Variants in ATAD2 observed in about 807,000 individuals in gnomAD.
The protein encoded by ATAD2 is ATPase family AAA domain containing 2.
In ATAD2, 62 loss-of-function variants were observed where a neutral mutation model predicts 168.9. The observed-to-expected ratio is 0.37, with a 90% CI of 0.30 to 0.45. ATAD2 has a LOEUF of 0.45. Among genes scored for constraint, ATAD2 ranks in the 20% least tolerant of loss-of-function variants. The pLI is 1.00. For synonymous variants in ATAD2, 613 were observed against 571.6 expected (o/e 1.07, Z -1.03); for missense variants, 1,419 against 1,667.8 (o/e 0.85, Z 2.60).
chr8:123,326,713 T>C (rs1412397087), intron 25 of ATAD2, among the ~76,000 whole-genome samples: 4 of 152,122 alleles, frequency 2.6e-5, no homozygotes, highest in Non-Finnish European at 5.9e-5. Context: ...ATCCATTTTA[T>C]CTACTGTCAA....
intron 2 of ATAD2, among the ~76,000 whole-genome samples, chr8:123,378,957 A>G (rs2129831072): frequency 6.6e-6 from 1 of 151,804 alleles, no homozygotes; most frequent in Admixed American, 6.6e-5. Flanking sequence ...ATGCCCAGAT[A>G]ATTTTTTTAT....
chr8:123,322,883 ATATAT>A (rs1374616285), intron 27 of ATAD2, 50 bp downstream of exon 27: 2 of 1,537,536 alleles, frequency 1.3e-6, no homozygotes, highest in Non-Finnish European at 1.8e-6. Context: ...TACATAAGTG[ATATAT>A]TAATGTGACC....
intron 24 of ATAD2, 60 bp downstream of exon 24, chr8:123,333,818 A>G: frequency 6.7e-7 from 1 of 1,484,182 alleles, no homozygotes; most frequent in Non-Finnish European, 9.0e-7. Context: ...GGAGAAAGTT[A>G]ATGGCATTAG....
chr8:123,325,886 T>C lies in ATAD2; in HGVS notation c.4002+7A>G. 1 of 1,613,532 alleles carries C rather than the reference T, an allele frequency of 6.2e-7. No homozygotes were observed. Among genetic ancestry groups the C allele is most frequent in the South Asian group, 1.1e-5 (1 of 90,944 alleles). On this transcript the variant is annotated splice_region_variant and intron_variant, in intron 26 of 27. Coordinates refer to ENST00000287394, the MANE Select transcript of ATAD2 (RefSeq NM_014109.4). ...GAGTAAAAGCATTATGATTTCAATT[T>C]ACATACTTTTAATCGCTCATGATCC...
At chr8:123,344,657 T>C (rs528496208) in intron 19 of ATAD2, 4 of 478,110 alleles carry the variant, frequency 8.4e-6, no homozygotes, top group African/African-American at 5.9e-5. Context: ...TATAATACCA[T>C]TTTTCAAGAG....
chr8:123,378,268 T>G (rs1278948402), intron 2 of ATAD2, among the ~76,000 whole-genome samples: 1 of 152,114 alleles, frequency 6.6e-6, no homozygotes, highest in Non-Finnish European at 1.5e-5. Flanking sequence ...AAATACAGTA[T>G]AAAACACTCC....
At chr8:123,376,354 CGAGATT>C (rs1829307977) in intron 2 of ATAD2, among the ~76,000 whole-genome samples, 1 of 151,682 alleles carries the variant, frequency 6.6e-6, no homozygotes, top group Non-Finnish European at 1.5e-5. Flanking sequence ...TGCAGTGAGC[CGAGATT>C]GTGCCATTGC....
intron 18 of ATAD2, among the ~76,000 whole-genome samples, chr8:123,345,325 A>G (rs1828201139): frequency 1.3e-5 from 2 of 152,154 alleles, no homozygotes; most frequent in South Asian, 2.1e-4. Context: ...GTGGTAATCA[A>G]AAGTAAACAA....
chr8:123,357,550 T>G lies in ATAD2; in HGVS notation c.1557+12A>C. The G allele has an allele frequency of 6.2e-7, 1 of 1,603,376 alleles. No homozygotes were observed. Among genetic ancestry groups the G allele is most frequent in the Non-Finnish European group, 8.5e-7 (1 of 1,175,812 alleles). On this transcript the variant is annotated intron_variant, in intron 12 of 27. Coordinates refer to ENST00000287394, the MANE Select transcript of ATAD2 (RefSeq NM_014109.4). ...CAGAACTATCCAGATATATAAAATG[T>G]TAATATCATACCTGATCAAACAGCA...
rs548601719 is a variant in ATAD2 at position 123,338,442 on chromosome 8, A to G, written c.2855-621T>C. 1.4e-3 allele frequency among the ~76,000 whole-genome samples: 206 copies of G among 152,280 alleles called. 3 individuals are homozygous for G. The highest frequency in any genetic ancestry group is 4.8e-3 in the African/African-American group (199 of 41,556). On this transcript the variant is annotated intron_variant, in intron 20 of 27. Transcript: ENST00000287394. ...GGACAAAAATATTCTAACTATAAAA[A>G]AGCCTTCTTTACTAGTTTTGAACTA...
At chr8:123,344,856 T>A in intron 19 of ATAD2, 28 bp downstream of exon 19, 1 of 1,606,358 alleles carries the variant, frequency 6.2e-7, no homozygotes, top group African/African-American at 1.3e-5. Context: ...TTTTTGAAAG[T>A]ATAATGATAC....
At chr8:123,359,426 T>C in intron 10 of ATAD2, 90 bp from the exon 11 acceptor site, 1 of 1,230,100 alleles carries the variant, frequency 8.1e-7, no homozygotes, top group East Asian at 2.3e-5. Context: ...GAAGTAATAA[T>C]ATCTTAATTG....
intron 8 of ATAD2, among the ~76,000 whole-genome samples, chr8:123,367,289 C>T (rs1829009359): frequency 6.6e-6 from 1 of 152,102 alleles, no homozygotes; most frequent in Non-Finnish European, 1.5e-5. Context: ...TGGTGGCAGA[C>T]GCCTGTGATC....
chr8:123,336,536 A>C lies in ATAD2; in HGVS notation c.3052-4T>G. 6.7e-7 allele frequency: 1 copy of C among 1,494,834 alleles called. No homozygotes were observed. Among genetic ancestry groups the C allele is most frequent in the Non-Finnish European group, 8.9e-7 (1 of 1,126,984 alleles). 92.6% of individuals were successfully genotyped at this position (1,494,834 alleles called of 1,614,324 possible). A position where few individuals can be genotyped will look rare whatever the true frequency, so the allele number is the denominator to read the frequency against. ...TTACAGTGACATAATCAGGAACCTA[A>C]AATTCAAGCAAATGATCAAATCACA... On this transcript the variant is annotated splice_polypyrimidine_tract_variant and splice_region_variant and intron_variant, in intron 21 of 27. Transcript: ENST00000287394.
In ATAD2 at chr8:123,347,394, G is replaced by A; in HGVS notation, c.1910C>T (p.Ala637Val). The A allele has an allele frequency of 1.2e-6, 2 of 1,610,124 alleles. No individual in the cohort carries two copies. Among genetic ancestry groups the A allele is most frequent in the Non-Finnish European group, 1.7e-6 (2 of 1,178,096 alleles). ...LAENCVGYCG[A>V]DIKSICAEAA... ...TTCAGCACATATTGATTTAATATCT[G>A]CTCCACAGTATCCTATCCAAAGCAA... Residue 637 changes from alanine to valine, a missense_variant, in exon 16 of 28, where the codon GCA (alanine) becomes GTA (valine). Coordinates refer to ENST00000287394, the MANE Select transcript of ATAD2 (RefSeq NM_014109.4).
chr8:123,408,277 G>C (rs1247686697), intron 1 of ATAD2, among the ~76,000 whole-genome samples: 1 of 152,120 alleles, frequency 6.6e-6, no homozygotes, highest in African/African-American at 2.4e-5. Context: ...GGTTTAGGCA[G>C]GGCCCAGCCT....
upstream of ATAD2, among the ~76,000 whole-genome samples, chr8:123,399,273 A>C (rs956505450): frequency 1.3e-5 from 2 of 152,170 alleles, no homozygotes; most frequent in Non-Finnish European, 2.9e-5. Flanking sequence ...AAAAAAAAAA[A>C]ACCACACGAC....
chr8:123,364,365 AAC>A (rs1828909657), intron 8 of ATAD2, among the ~76,000 whole-genome samples: 1 of 152,140 alleles, frequency 6.6e-6, no homozygotes, highest in South Asian at 2.1e-4. Flanking sequence ...TCAGTTTAAA[AAC>A]ATTGTAAACA....
At position 123,337,930 on chromosome 8, in the gene ATAD2, G is replaced by A. The variant is rs115960837; in HGVS notation, c.2855-109C>T. The A allele has an allele frequency of 6.3e-4, 649 of 1,026,978 alleles. 1 individual carries two copies. The African/African-American group carries it at 8.4e-3, about 13-fold the overall frequency. The allele number at this position is 1,026,978 out of a possible 1,614,324, so 63.6% of individuals were successfully genotyped here. A position where few individuals can be genotyped will look rare whatever the true frequency, so the allele number is the denominator to read the frequency against. ...TTGAGGGATTATCTTCCTCATATAT[G>A]CAAGGAATCCAAAGATTTGAAATAC... On this transcript the variant is annotated intron_variant, in intron 20 of 27. Transcript: ENST00000287394.
Sources: gnomAD v4.1 joint callset for allele counts (sites outside exome capture counted in the v4.1 genomes callset) on GRCh38, gnomAD v4.1.1 for gene constraint, MANE v1.5 for transcripts, NCBI Gene and HGNC (gene_info 2026-07-23, HGNC 2026-07-21) for gene names.